GLRX3: variants seen among roughly 807,000 people sequenced by gnomAD.
GLRX3 encodes glutaredoxin-3.
In GLRX3, 22 loss-of-function variants were observed where a neutral mutation model predicts 49.5. The ratio of observed to expected loss-of-function variants is 0.44; its 90% CI spans 0.32 to 0.63. The LOEUF (loss-of-function observed/expected upper bound fraction) is 0.63, where lower values mean the gene tolerates loss of function less well. Ranked by LOEUF, GLRX3 falls within the 30% of genes least tolerant of loss-of-function variation. The pLI is 0.05. For synonymous variants in GLRX3, 133 were observed against 140.0 expected (o/e 0.95, Z 0.35); for missense variants, 385 against 396.3 (o/e 0.97, Z 0.24).
At chr10:130,152,303 A>G (rs1279190738) in intron 2 of GLRX3, among the ~76,000 whole-genome samples, 1 of 152,106 alleles carries the variant, frequency 6.6e-6, no homozygotes, top group African/African-American at 2.4e-5. Flanking sequence ...ACAGGCATGA[A>G]CCACTACACC....
chr10:130,161,812 A>G (rs544549623), intron 4 of GLRX3, among the ~76,000 whole-genome samples: 2 of 152,312 alleles, frequency 1.3e-5, no homozygotes, highest in East Asian at 3.9e-4. Flanking sequence ...AGATAGGGGC[A>G]GTAACATTGA....
chr10:130,153,378 G>T (rs763146458), intron 2 of GLRX3, among the ~76,000 whole-genome samples: 2 of 152,208 alleles, frequency 1.3e-5, no homozygotes. Context: ...GAGAAGAGAC[G>T]TTCTGGTTTT....
chr10:130,166,200 A>G (rs1862681796), intron 4 of GLRX3, among the ~76,000 whole-genome samples: 1 of 151,000 alleles, frequency 6.6e-6, no homozygotes, highest in Admixed American at 6.6e-5. Context: ...GTGACAAAAA[A>G]TGTCCATGAT....
chr10:130,140,317 C>A lies in GLRX3; in HGVS notation c.92+3805C>A, dbSNP rs1862149616. 6.6e-5 allele frequency among the ~76,000 whole-genome samples: 10 copies of A among 152,194 alleles called. No individual in the cohort carries two copies. In the South Asian group the frequency reaches 1.9e-3, roughly 28 times the overall value. On this transcript the variant is annotated intron_variant, in intron 1 of 10. Coordinates refer to ENST00000331244, the MANE Select transcript of GLRX3 (RefSeq NM_006541.5). ...TTTTTGTCTGATGGTTTTTCTCCAA[C>A]AATGCTCCAGGCATATGGGGCTATC...
chr10:130,176,056 T>C (rs935009410), intron 10 of GLRX3, among the ~76,000 whole-genome samples: 2 of 152,252 alleles, frequency 1.3e-5, no homozygotes, highest in African/African-American at 4.8e-5. Flanking sequence ...CTTCGACTTT[T>C]TATGTGGAAA....
intron 7 of GLRX3, 56 bp from the exon 8 acceptor site, chr10:130,171,528 C>A: frequency 1.1e-6 from 1 of 928,816 alleles, no homozygotes; most frequent in Non-Finnish European, 1.8e-6. Flanking sequence ...TTAGGTACAA[C>A]CATGCTGCTT....
chr10:130,170,453 ATAATT>A (rs1363844665), intron 7 of GLRX3, among the ~76,000 whole-genome samples: 1 of 152,274 alleles, frequency 6.6e-6, no homozygotes, highest in Non-Finnish European at 1.5e-5. Flanking sequence ...ACTGGTTAAT[ATAATT>A]AGGTAATAAT....
intron 4 of GLRX3, among the ~76,000 whole-genome samples, chr10:130,162,383 G>A (rs765154840): frequency 1.2e-4 from 19 of 152,196 alleles, no homozygotes; most frequent in Non-Finnish European, 2.5e-4. Context: ...AACTTAGTCT[G>A]TACTAAACTA....
At chr10:130,139,470 T>G (rs1862131664) in intron 1 of GLRX3, among the ~76,000 whole-genome samples, 1 of 151,540 alleles carries the variant, frequency 6.6e-6, no homozygotes, top group South Asian at 2.1e-4. Context: ...AAACCCCGTC[T>G]TTACTAAAGA....
chr10:130,167,051 T>A, intron 6 of GLRX3, 71 bp downstream of exon 6: 2 of 750,174 alleles, frequency 2.7e-6, no homozygotes, highest in South Asian at 3.9e-5. Context: ...TCCTCAGGTT[T>A]TGCATTGCTC....
Position 130,139,573 on chromosome 10 carries a change from C to T in GLRX3, c.92+3061C>T, listed in dbSNP as rs1010653483. Among the ~76,000 whole-genome samples, 9 of 149,460 alleles carry T rather than the reference C, an allele frequency of 6.0e-5. No individual in the cohort carries two copies. In the East Asian group the frequency reaches 1.2e-3, roughly 20 times the overall value. ...AGGCGAATGGCATGAACCTGGGAGG[C>T]GGAGCTTGCAGTGAGCCAAGATCGT... On this transcript the variant is annotated intron_variant, in intron 1 of 10. Transcript: ENST00000331244.
chr10:130,160,814 C>A lies in GLRX3; in HGVS notation c.295C>A (p.Arg99=). The change falls in exon 4 of 11, where the codon CGA becomes AGA. Residue 99 remains arginine, a synonymous_variant. Coordinates refer to ENST00000331244, the MANE Select transcript of GLRX3 (RefSeq NM_006541.5). The part of the protein sequence containing the change: ...LFFKNSQKID[R]LDGAHAPELT... The stretch of plus-strand genomic sequence containing the variant: ...ACTTTAGAATTCTCAGAAAATCGAC[C>A]GATTAGATGGTGCACATGCCCCAGA... The A allele has an allele frequency of 6.3e-7, 1 of 1,594,972 alleles. No homozygotes were observed. Among genetic ancestry groups the A allele is most frequent in the South Asian group, 1.1e-5 (1 of 90,616 alleles).
intron 7 of GLRX3, among the ~76,000 whole-genome samples, chr10:130,170,786 G>A (rs932491889): frequency 2.6e-5 from 4 of 152,110 alleles, no homozygotes; most frequent in Admixed American, 1.3e-4. Context: ...CCTGTGGCAT[G>A]AAAAAAGCTT....
intron 6 of GLRX3, among the ~76,000 whole-genome samples, chr10:130,167,980 A>G (rs972528862): frequency 6.6e-6 from 1 of 152,090 alleles, no homozygotes; most frequent in African/African-American, 2.4e-5. Context: ...GTGGTCTCCA[A>G]AGACAGCTGT....
chr10:130,176,410 G>A (rs537818089), intron 10 of GLRX3, among the ~76,000 whole-genome samples: 3 of 152,266 alleles, frequency 2.0e-5, no homozygotes, highest in African/African-American at 7.2e-5. Flanking sequence ...ATGAGTCACC[G>A]CGCCTGGCCA....
intron 4 of GLRX3, among the ~76,000 whole-genome samples, chr10:130,163,816 G>A (rs1169327189): frequency 6.6e-6 from 1 of 152,162 alleles, no homozygotes; most frequent in Non-Finnish European, 1.5e-5. Context: ...AAGGGCGTAG[G>A]CAAAGCTCCC....
At chr10:130,142,232 C>G (rs942365500) in intron 1 of GLRX3, among the ~76,000 whole-genome samples, 27 of 152,242 alleles carry the variant, frequency 1.8e-4, no homozygotes, top group African/African-American at 5.5e-4. Flanking sequence ...TGGTCTTGCC[C>G]TCTGTTTTCC....
At chr10:130,170,989 G>T (rs540497774) in intron 7 of GLRX3, among the ~76,000 whole-genome samples, 1 of 152,044 alleles carries the variant, frequency 6.6e-6, no homozygotes, top group Non-Finnish European at 1.5e-5. Context: ...TTTGCTGGGC[G>T]TGGTGGCGCA....
At chr10:130,161,679 T>C (rs1862579379) in intron 4 of GLRX3, among the ~76,000 whole-genome samples, 1 of 152,228 alleles carries the variant, frequency 6.6e-6, no homozygotes, top group African/African-American at 2.4e-5. Flanking sequence ...GTTTATGTTA[T>C]TTTCTTTTTA....
Sources: allele counts gnomAD v4.1 joint callset (sites outside exome capture counted in the v4.1 genomes callset), GRCh38; gene constraint gnomAD v4.1.1; transcripts MANE v1.5; gene names NCBI Gene and HGNC (gene_info 2026-07-23, HGNC 2026-07-21).